Variants in ARHGAP26 observed in about 807,000 individuals in gnomAD.
ARHGAP26 encodes Rho GTPase activating protein 26, also known as rho GTPase-activating protein 26.
Under a neutral mutation model 104.8 loss-of-function variants are expected in ARHGAP26, and 38 were observed. That is an observed-to-expected ratio of 0.36 (90% CI 0.28 to 0.48). The LOEUF is 0.48. ARHGAP26 is among the 20% of genes least tolerant of loss of function. The pLI, the probability that ARHGAP26 is intolerant of heterozygous loss-of-function variation, is 0.99. For synonymous variants in ARHGAP26, 341 were observed against 340.0 expected (o/e 1.00, Z -0.03); for missense variants, 704 against 947.9 (o/e 0.74, Z 3.38).
At chr5:142,884,535 A>G (rs1386852959) in intron 4 of ARHGAP26, among the ~76,000 whole-genome samples, 2 of 152,220 alleles carry the variant, frequency 1.3e-5, no homozygotes, top group African/African-American at 4.8e-5. Context: ...ATCTTTGTCC[A>G]TAGGTAGACA....
chr5:143,020,218 G>A (rs1042715296), intron 12 of ARHGAP26, among the ~76,000 whole-genome samples: 1 of 152,170 alleles, frequency 6.6e-6, no homozygotes, highest in African/African-American at 2.4e-5. Flanking sequence ...AAAGTGCTGG[G>A]ATTATAGGCA....
chr5:142,951,185 G>A (rs935316930), intron 11 of ARHGAP26, among the ~76,000 whole-genome samples: 1 of 152,024 alleles, frequency 6.6e-6, no homozygotes, highest in African/African-American at 2.4e-5. Context: ...TCAGCCTCCT[G>A]AGCAGCTGAG....
intron 20 of ARHGAP26, among the ~76,000 whole-genome samples, chr5:143,199,226 AT>A (rs561217306): frequency 7.9e-4 from 121 of 152,304 alleles, no homozygotes; most frequent in African/African-American, 2.1e-3. Flanking sequence ...GGACTTGTGG[AT>A]TTTTTCTGCT....
intron 1 of ARHGAP26, among the ~76,000 whole-genome samples, chr5:142,792,475 A>G (rs917570610): frequency 2.0e-5 from 3 of 152,158 alleles, no homozygotes; most frequent in African/African-American, 4.8e-5. Context: ...CCTCTTCTCT[A>G]TTTTTGCTCA....
intron 17 of ARHGAP26, among the ~76,000 whole-genome samples, chr5:143,059,940 G>C (rs3776337): frequency 0.083 from 12,630 of 152,162 alleles, 1,606 homozygotes; most frequent in East Asian, 0.52. Flanking sequence ...TGTCCCTGTG[G>C]AGAAGGATAT....
At chr5:142,872,401 G>A (rs1755447441) in intron 1 of ARHGAP26, among the ~76,000 whole-genome samples, 1 of 151,960 alleles carries the variant, frequency 6.6e-6, no homozygotes, top group Admixed American at 6.6e-5. Flanking sequence ...TCCCTCCCTT[G>A]GGCATTTGGA....
intron 13 of ARHGAP26, among the ~76,000 whole-genome samples, chr5:143,040,457 C>T (rs1005357456): frequency 2.0e-5 from 3 of 152,074 alleles, no homozygotes; most frequent in South Asian, 2.1e-4. Flanking sequence ...AGTATAATCT[C>T]GTGTTTTGTT....
intron 6 of ARHGAP26, among the ~76,000 whole-genome samples, 192 bp downstream of exon 6, chr5:142,894,540 C>A (rs1759191478): frequency 6.6e-6 from 1 of 152,208 alleles, no homozygotes. Flanking sequence ...CTGTACAACA[C>A]ATAGCAATGG....
chr5:142,850,449 C>T (rs924000726), intron 1 of ARHGAP26, among the ~76,000 whole-genome samples: 3 of 152,070 alleles, frequency 2.0e-5, no homozygotes, highest in African/African-American at 4.8e-5. Context: ...ACAACAACAA[C>T]AAAACACACA....
chr5:142,833,497 GT>G (rs1267565801), intron 1 of ARHGAP26, among the ~76,000 whole-genome samples: 3 of 151,580 alleles, frequency 2.0e-5, no homozygotes, highest in East Asian at 1.9e-4. Flanking sequence ...TCCTTTTTAA[GT>G]TTTTTTTAAA....
chr5:142,903,212 A>T (rs1469609674), intron 7 of ARHGAP26, among the ~76,000 whole-genome samples: 1 of 152,214 alleles, frequency 6.6e-6, no homozygotes, highest in Non-Finnish European at 1.5e-5. Context: ...CCCCTAGAGC[A>T]TCTGAATCAG....
intron 22 of ARHGAP26, among the ~76,000 whole-genome samples, chr5:143,215,561 A>G (rs1009632338): frequency 6.6e-6 from 1 of 152,162 alleles, no homozygotes; most frequent in Non-Finnish European, 1.5e-5. Flanking sequence ...CCACTATATA[A>G]TTCCAGAATA....
chr5:142,878,594 A>G (rs1756476993), intron 3 of ARHGAP26, among the ~76,000 whole-genome samples: 3 of 152,120 alleles, frequency 2.0e-5, no homozygotes, highest in Admixed American at 6.6e-5. Flanking sequence ...ACCAGAACAC[A>G]CTTGGTAGGG....
At chr5:142,814,174 G>T (rs1490825302) in intron 1 of ARHGAP26, among the ~76,000 whole-genome samples, 1 of 152,230 alleles carries the variant, frequency 6.6e-6, no homozygotes, top group African/African-American at 2.4e-5. Flanking sequence ...GTTTGGGGAA[G>T]AATTTGTTGA....
chr5:142,892,922 T>C (rs1179660445), intron 5 of ARHGAP26, among the ~76,000 whole-genome samples: 3 of 151,900 alleles, frequency 2.0e-5, no homozygotes, highest in African/African-American at 7.3e-5. Flanking sequence ...ATTCCTTGTA[T>C]CTCACTGTAT....
At chr5:142,937,766 T>C (rs912375753) in intron 11 of ARHGAP26, among the ~76,000 whole-genome samples, 1 of 151,764 alleles carries the variant, frequency 6.6e-6, no homozygotes, top group Admixed American at 6.6e-5. Flanking sequence ...AGGAGCATTA[T>C]GCTAAATGAA....
chr5:143,167,713 C>G (rs888506469), intron 20 of ARHGAP26, among the ~76,000 whole-genome samples: 4 of 152,034 alleles, frequency 2.6e-5, no homozygotes, highest in Admixed American at 6.6e-5. Context: ...TTTGTTTTAA[C>G]TGGTGCTGGG....
chr5:142,846,741 C>G (rs1453780021), intron 1 of ARHGAP26, among the ~76,000 whole-genome samples: 1 of 152,194 alleles, frequency 6.6e-6, no homozygotes, highest in Non-Finnish European at 1.5e-5. Flanking sequence ...ACTTGTAAGA[C>G]ACTTTGGTAT....
chr5:142,963,860 A>G (rs1770817229), intron 11 of ARHGAP26, among the ~76,000 whole-genome samples: 1 of 152,222 alleles, frequency 6.6e-6, no homozygotes, highest in South Asian at 2.1e-4. Context: ...AATATCTGCA[A>G]TATTTTTTAT....
Sources: allele counts gnomAD v4.1 joint callset (sites outside exome capture counted in the v4.1 genomes callset), GRCh38; gene constraint gnomAD v4.1.1; transcripts MANE v1.5; gene names NCBI Gene and HGNC (gene_info 2026-07-23, HGNC 2026-07-21).